BABAM2: variants seen among roughly 807,000 people sequenced by gnomAD.
The protein encoded by BABAM2 is BRISC and BRCA1 A complex member 2, also known as BRISC and BRCA1-A complex member 2.
BABAM2 carries 31 observed loss-of-function variants against 54.7 expected under a neutral mutation model. That is an observed-to-expected ratio of 0.57 (90% CI 0.43 to 0.77). The LOEUF (loss-of-function observed/expected upper bound fraction) is 0.77, where lower values mean the gene tolerates loss of function less well. BABAM2 is among the 30% of genes least tolerant of loss of function. The pLI is 0.00. For missense variants in BABAM2, 364 were observed against 455.8 expected (o/e 0.80, Z 1.83); for synonymous variants, 167 against 162.9 (o/e 1.03, Z -0.19).
chr2:28,167,840 A>G (rs1297850199), intron 7 of BABAM2, among the ~76,000 whole-genome samples: 2 of 152,192 alleles, frequency 1.3e-5, no homozygotes, highest in Non-Finnish European at 2.9e-5. Context: ...TATAAAATTG[A>G]GAGAATCATG....
At chr2:28,123,614 G>A (rs1200546949) in intron 6 of BABAM2, among the ~76,000 whole-genome samples, 1 of 152,166 alleles carries the variant, frequency 6.6e-6, no homozygotes, top group Non-Finnish European at 1.5e-5. Context: ...CCAGATGGGA[G>A]GGAACACATG....
intron 2 of BABAM2, among the ~76,000 whole-genome samples, chr2:27,917,399 A>G (rs1351931847): frequency 6.6e-6 from 1 of 152,274 alleles, no homozygotes; most frequent in Admixed American, 6.5e-5. Context: ...TAATTTATAA[A>G]CAGCAGAAGT....
In BABAM2 at chr2:27,935,325, T is replaced by C. The variant is rs1323250721; in HGVS notation, c.205+5417T>C. 2.0e-5 allele frequency among the ~76,000 whole-genome samples: 3 copies of C among 152,226 alleles called. No homozygotes were observed. The East Asian group carries it at 5.8e-4, about 29-fold the overall frequency. The stretch of plus-strand genomic sequence containing the variant: ...TACTGCTCAGAAAAAATGATTCCTT[T>C]CAAAATATTATTGCTCATTGACAGT... On this transcript the variant is annotated intron_variant, in intron 3 of 11. Coordinates refer to ENST00000379624, the MANE Select transcript of BABAM2 (RefSeq NM_199191.3).
chr2:27,970,991 C>G (rs2148450921), intron 3 of BABAM2, among the ~76,000 whole-genome samples: 1 of 152,182 alleles, frequency 6.6e-6, no homozygotes, highest in Middle Eastern at 3.4e-3. Context: ...ATGTTATATA[C>G]TTCTCAGTGC....
chr2:28,192,344 A>G (rs181536410), intron 7 of BABAM2, among the ~76,000 whole-genome samples: 100 of 151,850 alleles, frequency 6.6e-4, no homozygotes, highest in African/African-American at 2.2e-3. Flanking sequence ...AGGAGATTGT[A>G]TATTACCTTT....
At chr2:27,947,476 A>G (rs958478953) in intron 3 of BABAM2, among the ~76,000 whole-genome samples, 2 of 152,124 alleles carry the variant, frequency 1.3e-5, no homozygotes, top group African/African-American at 4.8e-5. Flanking sequence ...CTTTTCTGCT[A>G]TTATACATTT....
At chr2:27,938,872 A>G (rs1323877278) in intron 3 of BABAM2, among the ~76,000 whole-genome samples, 1 of 152,178 alleles carries the variant, frequency 6.6e-6, no homozygotes, top group African/African-American at 2.4e-5. Context: ...CAGTCTTAAC[A>G]TTTTTATATA....
In BABAM2 at chr2:28,333,302, C is replaced by T. The variant is rs373825166; in HGVS notation, c.1089-5148C>T. ...GTGTGGCCAGGCCTCGAGCCCAGTC[C>T]GCCTGGCTCCAGAGCCTGCCCCGCA... is the stretch of plus-strand genomic sequence containing the variant. On this transcript the variant is annotated intron_variant, in intron 11 of 11. Coordinates refer to ENST00000379624, the MANE Select transcript of BABAM2 (RefSeq NM_199191.3). Among the ~76,000 whole-genome samples, 19 of 152,256 alleles carry T rather than the reference C, an allele frequency of 1.2e-4. No homozygotes were observed. In the East Asian group the frequency reaches 2.7e-3, roughly 22 times the overall value.
At chr2:28,276,925 T>C (rs1053513534) in intron 10 of BABAM2, among the ~76,000 whole-genome samples, 1 of 152,164 alleles carries the variant, frequency 6.6e-6, no homozygotes, top group South Asian at 2.1e-4. Context: ...TCTTTACACA[T>C]TAGCAGACGG....
Position 28,131,474 on chromosome 2 carries a change from G to A in BABAM2, c.680+2094G>A, listed in dbSNP as rs533539698. On this transcript the variant is annotated intron_variant, in intron 7 of 11. Coordinates refer to ENST00000379624, the MANE Select transcript of BABAM2 (RefSeq NM_199191.3). ...TGACGTGGCATAAGGCAAGGGCTCTGAGTCAAGCAGATCTAGTTTAAACCT... is the reference window on the plus strand; with the variant it reads ...TGACGTGGCATAAGGCAAGGGCTCTAAGTCAAGCAGATCTAGTTTAAACCT... Among the ~76,000 whole-genome samples the A allele has an allele frequency of 2.0e-5, 3 of 152,244 alleles. No individual in the cohort carries two copies. In the East Asian group the frequency reaches 5.8e-4, roughly 29 times the overall value.
chr2:28,242,242 C>T (rs754284207), intron 9 of BABAM2, among the ~76,000 whole-genome samples: 5 of 152,172 alleles, frequency 3.3e-5, no homozygotes, highest in Non-Finnish European at 7.3e-5. Context: ...ATCCAGCATT[C>T]GATGCAAAAG....
chr2:28,036,978 T>C (rs1383058350), intron 5 of BABAM2, among the ~76,000 whole-genome samples: 1 of 152,246 alleles, frequency 6.6e-6, no homozygotes, highest in African/African-American at 2.4e-5. Flanking sequence ...TGGCACAGTA[T>C]GTGCTCAGTA....
rs542807213 is a variant in BABAM2 at position 28,297,418 on chromosome 2, G to A, written c.935-920G>A. On this transcript the variant is annotated intron_variant, in intron 10 of 11. Transcript: ENST00000379624. ...GTTCCTATTCTTTGTCCTAGAAGTG[G>A]ATAACATTCATACACATATACGTTA... Among the ~76,000 whole-genome samples the A allele has an allele frequency of 3.9e-3, 599 of 152,216 alleles. 4 individuals are homozygous for A. Among genetic ancestry groups the A allele is most frequent in the African/African-American group, 0.014 (576 of 41,514 alleles).
At chr2:28,331,909 A>T (rs1485792167) in intron 11 of BABAM2, among the ~76,000 whole-genome samples, 1 of 152,246 alleles carries the variant, frequency 6.6e-6, no homozygotes, top group East Asian at 1.9e-4. Flanking sequence ...AAAGACATGG[A>T]ATCAACCCAG....
At chr2:28,133,591 A>T (rs1006287141) in intron 7 of BABAM2, among the ~76,000 whole-genome samples, 2 of 152,158 alleles carry the variant, frequency 1.3e-5, no homozygotes, top group African/African-American at 4.8e-5. Flanking sequence ...CATCTCCTCC[A>T]TGGGCATAGA....
At chr2:28,282,187 A>C (rs1275300878) in intron 10 of BABAM2, among the ~76,000 whole-genome samples, 1 of 152,234 alleles carries the variant, frequency 6.6e-6, no homozygotes, top group East Asian at 1.9e-4. Context: ...AACCCCGTAG[A>C]TATAACCGTA....
chr2:28,168,405 C>G (rs1673945188), intron 7 of BABAM2, among the ~76,000 whole-genome samples: 1 of 152,204 alleles, frequency 6.6e-6, no homozygotes, highest in Non-Finnish European at 1.5e-5. Context: ...AAAGCCATAG[C>G]CTACTTCTTC....
chr2:28,029,782 T>C (rs1050309204), intron 5 of BABAM2, among the ~76,000 whole-genome samples: 1 of 152,234 alleles, frequency 6.6e-6, no homozygotes, highest in African/African-American at 2.4e-5. Context: ...CCATACTGTT[T>C]CCTTAAGGGC....
chr2:28,215,093 G>A (rs1679814060), intron 7 of BABAM2, among the ~76,000 whole-genome samples: 1 of 152,122 alleles, frequency 6.6e-6, no homozygotes, highest in African/African-American at 2.4e-5. Flanking sequence ...CTGCGTGTGT[G>A]TTTGTGTGTA....
Sources: allele counts gnomAD v4.1 joint callset (sites outside exome capture counted in the v4.1 genomes callset), GRCh38; gene constraint gnomAD v4.1.1; transcripts MANE v1.5; gene names NCBI Gene and HGNC (gene_info 2026-07-23, HGNC 2026-07-21).